Variants in STPG2 observed in about 807,000 individuals in gnomAD.
STPG2 encodes sperm tail PG-rich repeat containing 2.
In STPG2, 56 loss-of-function variants were observed where a neutral mutation model predicts 54.2. That is an observed-to-expected ratio of 1.03 (90% CI 0.83 to 1.29). The LOEUF is 1.29. STPG2 is among the 50% of genes most tolerant of loss of function. The pLI, the probability that STPG2 is intolerant of heterozygous loss-of-function variation, is 0.00. For synonymous variants in STPG2, 200 were observed against 181.8 expected (o/e 1.10, Z -0.81); for missense variants, 596 against 544.9 (o/e 1.09, Z -0.93).
At chr4:98,103,237 A>G (rs1293254600) in intron 5 of STPG2, among the ~76,000 whole-genome samples, 1 of 152,204 alleles carries the variant, frequency 6.6e-6, no homozygotes, top group Non-Finnish European at 1.5e-5. Flanking sequence ...TGAGTTAAAC[A>G]GTATAAATAT....
intron 9 of STPG2, among the ~76,000 whole-genome samples, chr4:97,723,846 A>G (rs1249865996): frequency 6.6e-6 from 1 of 152,164 alleles, no homozygotes; most frequent in Admixed American, 6.5e-5. Context: ...TTGTGATAAC[A>G]CTATCATGAG....
chr4:97,635,408 G>C (rs1354975544), intron 10 of STPG2, among the ~76,000 whole-genome samples: 1 of 152,142 alleles, frequency 6.6e-6, no homozygotes. Context: ...AAAGACCATT[G>C]AGACTAGGAA....
intron 4 of STPG2, among the ~76,000 whole-genome samples, chr4:97,516,753 G>A (rs879838149): frequency 1.3e-5 from 2 of 151,432 alleles, no homozygotes; most frequent in African/African-American, 2.4e-5. Flanking sequence ...ACTTGAACAC[G>A]GGAGTTGGAG....
intron 9 of STPG2, among the ~76,000 whole-genome samples, chr4:97,774,872 G>A (rs1206702530): frequency 6.6e-6 from 1 of 152,102 alleles, no homozygotes; most frequent in African/African-American, 2.4e-5. Context: ...CCAGGGAGAA[G>A]AAAAAAGAGG....
chr4:97,864,724 C>G (rs181858864), intron 8 of STPG2, among the ~76,000 whole-genome samples: 6 of 151,966 alleles, frequency 3.9e-5, no homozygotes, highest in Non-Finnish European at 8.8e-5. Context: ...AAACAGCATG[C>G]TACTGGTACC....
intron 10 of STPG2, among the ~76,000 whole-genome samples, chr4:97,637,472 A>T (rs1186312483): frequency 6.6e-6 from 1 of 152,148 alleles, no homozygotes; most frequent in Non-Finnish European, 1.5e-5. Flanking sequence ...TATTCAACAT[A>T]GTGTTGGAAG....
chr4:97,609,356 A>G (rs962175345), intron 10 of STPG2, among the ~76,000 whole-genome samples: 2 of 151,996 alleles, frequency 1.3e-5, no homozygotes, highest in African/African-American at 4.8e-5. Flanking sequence ...AACCTTCCCA[A>G]GTCATTTGGT....
chr4:97,672,956 T>G (rs1041990291), intron 10 of STPG2, among the ~76,000 whole-genome samples: 3 of 152,264 alleles, frequency 2.0e-5, no homozygotes, highest in African/African-American at 4.8e-5. Context: ...CCCTTTACGT[T>G]AGCAGCAGAT....
At chr4:97,977,227 A>G (rs944307971) in intron 6 of STPG2, among the ~76,000 whole-genome samples, 1 of 152,216 alleles carries the variant, frequency 6.6e-6, no homozygotes, top group Non-Finnish European at 1.5e-5. Flanking sequence ...ATTGTCTAAG[A>G]TGGAATATTA....
At chr4:97,615,311 T>A (rs1733833097) in intron 10 of STPG2, among the ~76,000 whole-genome samples, 1 of 152,156 alleles carries the variant, frequency 6.6e-6, no homozygotes, top group South Asian at 2.1e-4. Context: ...GCATAGTTTT[T>A]TCAAAATACA....
chr4:97,527,894 T>G (rs1409390559), intron 4 of STPG2, among the ~76,000 whole-genome samples: 5 of 152,210 alleles, frequency 3.3e-5, no homozygotes, highest in African/African-American at 1.2e-4. Flanking sequence ...AGATTCTGGA[T>G]ATTAGCTCTT....
intron 10 of STPG2, among the ~76,000 whole-genome samples, chr4:97,704,191 TCAATC>T (rs1723873813): frequency 6.6e-6 from 1 of 152,144 alleles, no homozygotes; most frequent in South Asian, 2.1e-4. Context: ...TCTGTATCCT[TCAATC>T]CAATTAAGTT....
At chr4:97,774,116 C>A (rs1422114728) in intron 9 of STPG2, among the ~76,000 whole-genome samples, 1 of 151,850 alleles carries the variant, frequency 6.6e-6, no homozygotes, top group Non-Finnish European at 1.5e-5. Context: ...ACAAAAATTT[C>A]TTTAAAGATA....
intron 10 of STPG2, among the ~76,000 whole-genome samples, chr4:97,559,365 G>A (rs1227249523): frequency 6.6e-6 from 1 of 152,014 alleles, no homozygotes; most frequent in African/African-American, 2.4e-5. Flanking sequence ...TTTACTTCAA[G>A]TAGGTCTGTT....
At chr4:97,682,912 A>T (rs1723076063) in intron 10 of STPG2, among the ~76,000 whole-genome samples, 1 of 151,836 alleles carries the variant, frequency 6.6e-6, no homozygotes, top group African/African-American at 2.4e-5. Flanking sequence ...GGTCCACAGT[A>T]GTAGGACCAT....
At chr4:97,541,246 T>G (rs1731696292) in intron 4 of STPG2, among the ~76,000 whole-genome samples, 1 of 152,108 alleles carries the variant, frequency 6.6e-6, no homozygotes, top group Admixed American at 6.5e-5. Flanking sequence ...AAAATCTCCT[T>G]AAGCTGATAA....
At chr4:97,859,959 T>C (rs774189326) in intron 8 of STPG2, among the ~76,000 whole-genome samples, 3 of 152,246 alleles carry the variant, frequency 2.0e-5, no homozygotes, top group African/African-American at 4.8e-5. Context: ...CCAATTATTC[T>C]GGCATCATTT....
chr4:98,008,702 A>C lies in STPG2; in HGVS notation c.613-27384T>G, dbSNP rs977613090. 2.0e-5 allele frequency among the ~76,000 whole-genome samples: 3 copies of C among 152,070 alleles called. No homozygotes were observed. The South Asian group carries it at 6.2e-4, about 32-fold the overall frequency. ...GACTCCACAAAACAACTAGGTAACAACATTATGAGAGGAATAAAGCCTCAC... is the reference window on the plus strand; with the variant it reads ...GACTCCACAAAACAACTAGGTAACACCATTATGAGAGGAATAAAGCCTCAC... On this transcript the variant is annotated intron_variant, in intron 5 of 10. Transcript: ENST00000295268.
intron 10 of STPG2, among the ~76,000 whole-genome samples, chr4:97,698,174 T>C (rs544611905): frequency 1.3e-5 from 2 of 152,190 alleles, no homozygotes; most frequent in South Asian, 4.2e-4. Flanking sequence ...GTTATTTTCT[T>C]GGTGGAGTGA....
Sources: allele counts gnomAD v4.1 joint callset (sites outside exome capture counted in the v4.1 genomes callset), GRCh38; gene constraint gnomAD v4.1.1; transcripts MANE v1.5; gene names NCBI Gene and HGNC (gene_info 2026-07-23, HGNC 2026-07-21).